The following GTF2F2 variants were observed in gnomAD, a reference collection of about 807,000 sequenced individuals.
The protein encoded by GTF2F2 is general transcription factor IIF subunit 2.
A neutral mutation model predicts 42.2 loss-of-function variants in GTF2F2; 23 were observed. That is an observed-to-expected ratio of 0.55 (90% CI 0.39 to 0.77). The LOEUF is 0.77. Among genes scored for constraint, GTF2F2 ranks in the 30% least tolerant of loss-of-function variants. GTF2F2 has a pLI of 0.00. For missense variants in GTF2F2, 261 were observed against 287.2 expected (o/e 0.91, Z 0.66); for synonymous variants, 105 against 100.8 (o/e 1.04, Z -0.25).
At chr13:45,212,445 T>A (rs1873690433) in intron 5 of GTF2F2, among the ~76,000 whole-genome samples, 1 of 39,726 alleles carries the variant, frequency 2.5e-5, no homozygotes, top group Admixed American at 3.4e-4. Context: ...TCTTTCTTTC[T>A]TGTTTCTTTC....
intron 5 of GTF2F2, among the ~76,000 whole-genome samples, chr13:45,243,724 A>G (rs999356609): frequency 6.6e-6 from 1 of 152,104 alleles, no homozygotes; most frequent in Non-Finnish European, 1.5e-5. Context: ...GCAGTGGCAC[A>G]ATCTTGGCTC....
At chr13:45,198,448 C>G (rs1259389216) in intron 4 of GTF2F2, among the ~76,000 whole-genome samples, 1 of 152,182 alleles carries the variant, frequency 6.6e-6, no homozygotes, top group Non-Finnish European at 1.5e-5. Context: ...GATCATTCCT[C>G]TATAAAATTC....
intron 4 of GTF2F2, among the ~76,000 whole-genome samples, chr13:45,169,577 G>A (rs1871491276): frequency 6.6e-6 from 1 of 152,118 alleles, no homozygotes; most frequent in African/African-American, 2.4e-5. Context: ...GTCTAGTTGA[G>A]GATTTTTAGA....
At chr13:45,133,225 A>G (rs1869452450) in intron 1 of GTF2F2, among the ~76,000 whole-genome samples, 1 of 152,094 alleles carries the variant, frequency 6.6e-6, no homozygotes, top group African/African-American at 2.4e-5. Context: ...CAGATGGGGG[A>G]CAGTGAGAAG....
intron 7 of GTF2F2, among the ~76,000 whole-genome samples, chr13:45,282,104 A>C (rs570914071): frequency 6.6e-6 from 1 of 152,174 alleles, no homozygotes; most frequent in Admixed American, 6.5e-5. Flanking sequence ...GGGAGGAGGC[A>C]GGAGAATCGC....
intron 7 of GTF2F2, among the ~76,000 whole-genome samples, chr13:45,275,096 T>G (rs1165839710): frequency 6.6e-6 from 1 of 152,188 alleles, no homozygotes; most frequent in Non-Finnish European, 1.5e-5. Context: ...TTACTTTCTG[T>G]CTCTGTAGAT....
intron 2 of GTF2F2, 114 bp downstream of exon 2, chr13:45,136,920 A>G (rs1869656530): frequency 1.5e-6 from 1 of 676,816 alleles, no homozygotes; most frequent in Non-Finnish European, 2.6e-6. Flanking sequence ...ATGACAAGTA[A>G]TGAGCATGTC....
At chr13:45,148,018 T>C (rs1047786265) in intron 2 of GTF2F2, among the ~76,000 whole-genome samples, 40 of 152,332 alleles carry the variant, frequency 2.6e-4, no homozygotes, top group African/African-American at 9.6e-4. Context: ...TTCATTAAAC[T>C]GGGACTTCCT....
chr13:45,273,366 G>A (rs902968713), intron 7 of GTF2F2, among the ~76,000 whole-genome samples: 1 of 152,084 alleles, frequency 6.6e-6, no homozygotes, highest in African/African-American at 2.4e-5. Context: ...ATGAGCCACA[G>A]CATTTGGCCC....
intron 1 of GTF2F2, among the ~76,000 whole-genome samples, chr13:45,121,585 A>G (rs1333143603): frequency 1.3e-5 from 2 of 152,230 alleles, no homozygotes; most frequent in African/African-American, 4.8e-5. Flanking sequence ...ACAGATGTGT[A>G]TTACATTCTT....
intron 5 of GTF2F2, among the ~76,000 whole-genome samples, chr13:45,237,036 T>G (rs1875028288): frequency 6.6e-6 from 1 of 152,184 alleles, no homozygotes; most frequent in African/African-American, 2.4e-5. Context: ...TATTCACTAC[T>G]GGTTGAAAGT....
intron 5 of GTF2F2, among the ~76,000 whole-genome samples, chr13:45,237,128 A>G (rs924966680): frequency 6.6e-6 from 1 of 152,226 alleles, no homozygotes; most frequent in African/African-American, 2.4e-5. Flanking sequence ...TCTTTGAATC[A>G]GATATATAAG....
At chr13:45,249,723 G>A (rs953224586) in intron 5 of GTF2F2, among the ~76,000 whole-genome samples, 4 of 152,134 alleles carry the variant, frequency 2.6e-5, no homozygotes, top group Non-Finnish European at 5.9e-5. Context: ...TCAAATCGTG[G>A]AGATGACTGA....
intron 2 of GTF2F2, 28 bp downstream of exon 2, chr13:45,136,834 T>C (rs781650780): frequency 2.3e-6 from 3 of 1,287,168 alleles, no homozygotes; most frequent in African/African-American, 1.5e-5. Context: ...TCTTGACATT[T>C]TAAAAAGCTA....
intron 5 of GTF2F2, among the ~76,000 whole-genome samples, chr13:45,211,775 C>T (rs753999427): frequency 8.6e-5 from 13 of 150,864 alleles, no homozygotes; most frequent in Non-Finnish European, 1.5e-4. Context: ...TTAGGAGAGA[C>T]GGGTTTCTCC....
chr13:45,268,602 T>A (rs116394352), intron 7 of GTF2F2, among the ~76,000 whole-genome samples: 1,833 of 151,986 alleles, frequency 0.012, 32 homozygotes, highest in African/African-American at 0.042. Flanking sequence ...AGATTAAAAA[T>A]TTTTTTTGAA....
rs573702259 is a variant in GTF2F2, at chr13:45,235,624, G to A, written c.387-17247G>A. ...TTTTTTCCTGAGATAGAGTCCCGCT[G>A]TGTTGCCCAGGCTGCAGTGCAGTGG... On this transcript the variant is annotated intron_variant, in intron 5 of 7. Transcript: ENST00000340473. Among the ~76,000 whole-genome samples, 4 of 151,486 alleles carry A rather than the reference G, an allele frequency of 2.6e-5. No individual in the cohort carries two copies. The East Asian group carries it at 5.8e-4, about 22-fold the overall frequency.
chr13:45,144,938 A>G (rs1259216531), intron 2 of GTF2F2, among the ~76,000 whole-genome samples: 1 of 152,178 alleles, frequency 6.6e-6, no homozygotes, highest in Non-Finnish European at 1.5e-5. Flanking sequence ...AACTTACACA[A>G]CATGCACACA....
At chr13:45,265,149 C>T (rs1214878986) in intron 6 of GTF2F2, among the ~76,000 whole-genome samples, 1 of 152,016 alleles carries the variant, frequency 6.6e-6, no homozygotes, top group African/African-American at 2.4e-5. Flanking sequence ...ATCCCAGCTA[C>T]TCGGGAGGCT....
Sources: allele counts gnomAD v4.1 joint callset (sites outside exome capture counted in the v4.1 genomes callset), GRCh38; gene constraint gnomAD v4.1.1; transcripts MANE v1.5; gene names NCBI Gene and HGNC (gene_info 2026-07-23, HGNC 2026-07-21).